Variants in PRKAR1B observed in about 807,000 individuals in gnomAD.
The protein encoded by PRKAR1B is protein kinase cAMP-dependent type I regulatory subunit beta.
Under a neutral mutation model 46.5 loss-of-function variants are expected in PRKAR1B, and 22 were observed. The observed-to-expected ratio is 0.47, with a 90% CI of 0.34 to 0.68. PRKAR1B has a LOEUF of 0.68. Among genes scored for constraint, PRKAR1B ranks in the 30% least tolerant of loss-of-function variants. The probability of loss-of-function intolerance (pLI) is 0.01; values close to 1 mark genes in which losing one functional copy is unlikely to be tolerated. For synonymous variants in PRKAR1B, 259 were observed against 217.7 expected (o/e 1.19, Z -1.67); for missense variants, 445 against 535.6 (o/e 0.83, Z 1.67).
At chr7:577,692 A>G (rs1779939744) in intron 9 of PRKAR1B, among the ~76,000 whole-genome samples, 1 of 152,044 alleles carries the variant, frequency 6.6e-6, no homozygotes, top group South Asian at 2.1e-4. Context: ...AGGGGGCTTC[A>G]GATCGCCGGG....
rs552630005 is a variant in PRKAR1B at position 701,313 on chromosome 7, A to G, written c.177+10016T>C. Among the ~76,000 whole-genome samples the G allele has an allele frequency of 3.3e-5, 5 of 149,600 alleles. No individual in the cohort carries two copies. In the South Asian group the frequency reaches 1.0e-3, roughly 31 times the overall value. On this transcript the variant is annotated intron_variant, in intron 2 of 10. Coordinates refer to ENST00000537384, the MANE Select transcript of PRKAR1B (RefSeq NM_001164760.2). ...AAGAAAGAAAGAAAAAGAAAGAAAG[A>G]AAGAAAAGAAAGAGAAGAAAAGAAA...
intron 2 of PRKAR1B, among the ~76,000 whole-genome samples, chr7:689,454 CA>C (rs1779288635): frequency 6.6e-6 from 1 of 151,926 alleles, no homozygotes; most frequent in Non-Finnish European, 1.5e-5. Flanking sequence ...TGCTAGAATC[CA>C]AAAACATAAT....
chr7:612,647 A>C (rs1475001638), intron 4 of PRKAR1B, among the ~76,000 whole-genome samples: 3 of 152,208 alleles, frequency 2.0e-5, no homozygotes, highest in Admixed American at 2.0e-4. Context: ...GATGCCTGGA[A>C]GGATGAATGG....
At chr7:689,339 T>G (rs1420051945) in intron 2 of PRKAR1B, among the ~76,000 whole-genome samples, 1 of 152,050 alleles carries the variant, frequency 6.6e-6, no homozygotes, top group African/African-American at 2.4e-5. Flanking sequence ...GCCAGGATGG[T>G]CTCGATCTCC....
At chr7:582,247 C>T (rs925580711) in intron 8 of PRKAR1B, among the ~76,000 whole-genome samples, 12 of 152,252 alleles carry the variant, frequency 7.9e-5, no homozygotes, top group Non-Finnish European at 1.8e-4. Context: ...TACGGGGTCT[C>T]CTGTCCTAGG....
At chr7:646,194 C>T (rs987043093) in intron 4 of PRKAR1B, among the ~76,000 whole-genome samples, 9 of 152,160 alleles carry the variant, frequency 5.9e-5, no homozygotes, top group African/African-American at 2.2e-4. Context: ...CACAGGTGCA[C>T]CACCATGCTC....
chr7:607,639 G>A (rs1782175578), intron 4 of PRKAR1B, among the ~76,000 whole-genome samples, 187 bp from the exon 5 acceptor site: 1 of 152,202 alleles, frequency 6.6e-6, no homozygotes, highest in Non-Finnish European at 1.5e-5. Context: ...GGCACCGCCA[G>A]CCCTGGGCAC....
At chr7:632,669 C>T (rs761599777) in intron 4 of PRKAR1B, among the ~76,000 whole-genome samples, 7 of 152,208 alleles carry the variant, frequency 4.6e-5, no homozygotes, top group Non-Finnish European at 7.3e-5. Context: ...GGGCACAGGG[C>T]GAGGCTGAGC....
At chr7:685,308 G>GTATACATA (rs1554303146) in intron 2 of PRKAR1B, among the ~76,000 whole-genome samples, 3 of 11,314 alleles carry the variant, frequency 2.7e-4, no homozygotes, top group African/African-American at 5.6e-4. Context: ...ATATATATAC[G>GTATACATA]TATATATACG....
intron 8 of PRKAR1B, among the ~76,000 whole-genome samples, chr7:582,316 C>T (rs1780232873): frequency 6.6e-6 from 1 of 152,252 alleles, no homozygotes; most frequent in African/African-American, 2.4e-5. Context: ...GGCACAAAAG[C>T]CGTTCCCAGG....
rs533167707 is a variant in PRKAR1B at position 556,023 on chromosome 7, C to G, written c.892-4553G>C. 3.1e-3 allele frequency among the ~76,000 whole-genome samples: 470 copies of G among 152,340 alleles called. 2 individuals are homozygous for G. Among genetic ancestry groups the G allele is most frequent in the African/African-American group, 0.011 (460 of 41,586 alleles). ...GCTCATCCCAGCAGTGCGGCCCCTC[C>G]GGGCCCCTGTCTCCCTCTTGCATAT... On this transcript the variant is annotated intron_variant, in intron 9 of 10. Transcript: ENST00000537384.
intron 8 of PRKAR1B, among the ~76,000 whole-genome samples, chr7:583,822 GCA>G (rs768836341): frequency 1.3e-5 from 2 of 149,954 alleles, no homozygotes; most frequent in African/African-American, 4.9e-5. Context: ...GCACACACAC[GCA>G]CACACACCCC....
chr7:590,903 C>A (rs1222278232), intron 7 of PRKAR1B, among the ~76,000 whole-genome samples: 1 of 152,184 alleles, frequency 6.6e-6, no homozygotes. Context: ...GCAGAAAGTG[C>A]CGCGTGTCTG....
At chr7:687,485 T>A (rs1213867289) in intron 2 of PRKAR1B, among the ~76,000 whole-genome samples, 1 of 152,116 alleles carries the variant, frequency 6.6e-6, no homozygotes, top group East Asian at 1.9e-4. Flanking sequence ...AAGAAATTAA[T>A]AACCTGGAAA....
rs780329988 is a variant in PRKAR1B at position 584,582 on chromosome 7, A to AG, written c.709-15dup. ...CAGCGTGCTGCCCTGTTCGGGAGAAAGTAAAAAACAGACAAGAAGGTGAAT... is the reference window on the plus strand; with the variant it reads ...CAGCGTGCTGCCCTGTTCGGGAGAAAGGTAAAAAACAGACAAGAAGGTGAAT... On this transcript the variant is annotated splice_polypyrimidine_tract_variant and intron_variant, in intron 7 of 10. Transcript: ENST00000537384. 3.7e-5 allele frequency: 60 copies of AG among 1,609,796 alleles called. No individual in the cohort carries two copies. The African/African-American group carries it at 6.4e-4, about 17-fold the overall frequency.
At chr7:584,615 C>T (rs781204012) in intron 7 of PRKAR1B, 47 bp from the exon 8 acceptor site, 4 of 1,481,328 alleles carry the variant, frequency 2.7e-6, no homozygotes, top group Admixed American at 3.5e-5. Flanking sequence ...AATCTTCATA[C>T]CTGGATCATC....
At chr7:615,835 A>AAG (rs1554293444) in intron 4 of PRKAR1B, among the ~76,000 whole-genome samples, 1 of 151,226 alleles carries the variant, frequency 6.6e-6, no homozygotes, top group Non-Finnish European at 1.5e-5. Context: ...CAAAAAAAAA[A>AAG]AAAAAAAGAA....
chr7:699,389 C>T lies in PRKAR1B; in HGVS notation c.177+11940G>A, dbSNP rs570985589. Among the ~76,000 whole-genome samples the T allele has an allele frequency of 2.1e-3, 313 of 152,274 alleles. 1 individual carries two copies. Among genetic ancestry groups the T allele is most frequent in the Non-Finnish European group, 4.1e-3 (282 of 68,004 alleles). ...GAGTCCCAAAGCAGGAAGGCACTGACGGTTAGGGCCCCTCCCAACGCAGGA... is the reference window on the plus strand; with the variant it reads ...GAGTCCCAAAGCAGGAAGGCACTGATGGTTAGGGCCCCTCCCAACGCAGGA... On this transcript the variant is annotated intron_variant, in intron 2 of 10. Transcript: ENST00000537384.
intron 9 of PRKAR1B, among the ~76,000 whole-genome samples, chr7:571,491 C>T (rs886275741): frequency 3.9e-5 from 6 of 152,190 alleles, no homozygotes; most frequent in Non-Finnish European, 8.8e-5. Context: ...AGCTTTGCAA[C>T]GTGTTGTTTT....
Sources: allele counts gnomAD v4.1 joint callset (sites outside exome capture counted in the v4.1 genomes callset), GRCh38; gene constraint gnomAD v4.1.1; transcripts MANE v1.5; gene names NCBI Gene and HGNC (gene_info 2026-07-23, HGNC 2026-07-21).